NSD2: variants seen among roughly 807,000 people sequenced by gnomAD.
The protein encoded by NSD2 is histone-lysine N-methyltransferase NSD2.
Under a neutral mutation model 139.0 loss-of-function variants are expected in NSD2, and 12 were observed. That is an observed-to-expected ratio of 0.09 (90% CI 0.06 to 0.14). The LOEUF (loss-of-function observed/expected upper bound fraction) is 0.14, where lower values mean the gene tolerates loss of function less well. Ranked by LOEUF, NSD2 falls within the 10% of genes least tolerant of loss-of-function variation. NSD2 has a pLI of 1.00. For synonymous variants in NSD2, 669 were observed against 648.7 expected, an observed-to-expected ratio of 1.03 and a Z score of -0.48; for missense variants, 1,155 against 1,745.0, an observed-to-expected ratio of 0.66 and a Z score of 6.02.
chr4:1,895,496 C>T (rs1716145945), intron 1 of NSD2, among the ~76,000 whole-genome samples: 1 of 152,172 alleles, frequency 6.6e-6, no homozygotes, highest in African/African-American at 2.4e-5. Context: ...TTTAGCTGTG[C>T]CTGGTCTGCT....
intron 9 of NSD2, chr4:1,940,455 A>AT (rs1312939018): frequency 8.5e-6 from 9 of 1,063,266 alleles, no homozygotes; most frequent in Middle Eastern, 4.1e-4. Context: ...TCAAACCTAA[A>AT]TTTTTTGCCG....
At chr4:1,949,742 C>T (rs1382787128) in intron 9 of NSD2, among the ~76,000 whole-genome samples, 2 of 148,640 alleles carry the variant, frequency 1.3e-5, no homozygotes, top group African/African-American at 2.5e-5. Context: ...CCAGCCTGGG[C>T]GACAGAGCAA....
rs1192117060 is a variant in NSD2, at chr4:1,952,090, C to A, written c.2014-18C>A. ...GGGACTGCCGGGCGCTGCTTACCCG[C>A]CTGCTCTGCCCCCGCAGCTGTGTGA... On this transcript the variant is annotated intron_variant, in intron 10 of 21. Coordinates refer to ENST00000508803, the MANE Select transcript of NSD2 (RefSeq NM_001042424.3). 1.2e-5 allele frequency: 19 copies of A among 1,612,886 alleles called. No homozygotes were observed. The highest frequency in any genetic ancestry group is 1.6e-5 in the Non-Finnish European group (19 of 1,179,204).
intron 1 of NSD2, among the ~76,000 whole-genome samples, chr4:1,872,460 C>G (rs1474840536): frequency 1.3e-5 from 2 of 152,116 alleles, no homozygotes; most frequent in African/African-American, 4.8e-5. Flanking sequence ...CCCATTGCAG[C>G]ACGAATCTTT....
At chr4:1,881,885 T>C (rs560056564) in intron 1 of NSD2, among the ~76,000 whole-genome samples, 1 of 152,204 alleles carries the variant, frequency 6.6e-6, no homozygotes, top group East Asian at 1.9e-4. Context: ...GGGTGTTGGC[T>C]CCATGAGGGT....
At chr4:1,925,756 A>G (rs982287683) in intron 5 of NSD2, among the ~76,000 whole-genome samples, 25 of 148,752 alleles carry the variant, frequency 1.7e-4, no homozygotes, top group African/African-American at 6.4e-4. Flanking sequence ...ACTTCTTTTT[A>G]TATATCTATA....
chr4:1,943,272 A>G (rs529068807), intron 9 of NSD2: 25 of 1,044,048 alleles, frequency 2.4e-5, no homozygotes, highest in Non-Finnish European at 2.9e-5. Context: ...TTCCCGGCAG[A>G]TTCTTTGGCT....
chr4:1,918,528 C>T lies in NSD2; in HGVS notation c.1315C>T (p.Pro439Ser), dbSNP rs1024984881. 3.7e-6 allele frequency: 6 copies of T among 1,613,738 alleles called. No homozygotes were observed. The highest frequency in any genetic ancestry group is 5.1e-6 in the Non-Finnish European group (6 of 1,179,938). Residue 439 changes from proline to serine, a missense_variant, in exon 5 of 22, where the codon CCT (proline) becomes TCT (serine). Physicochemically the swap from Pro to Ser is moderately conservative, Grantham distance 74. Coordinates refer to ENST00000508803, the MANE Select transcript of NSD2 (RefSeq NM_001042424.3). ...ADPRRGVGSP[P>S]GRKKTTVSMP... ...CCCCAGAAGAGGAGTAGGGTCTCCT[C>T]CTGGGAGGAAGAAGACCACAGTCTC...
intron 20 of NSD2, 36 bp downstream of exon 20, chr4:1,975,436 G>A (rs775021788): frequency 1.3e-6 from 2 of 1,599,738 alleles, no homozygotes; most frequent in Admixed American, 3.3e-5. Context: ...CCCAGGCTCT[G>A]TGTTGGCATT....
chr4:1,969,853 C>G (rs765457632), intron 18 of NSD2, among the ~76,000 whole-genome samples: 1 of 152,080 alleles, frequency 6.6e-6, no homozygotes, highest in Non-Finnish European at 1.5e-5. Flanking sequence ...TCAGAGATAG[C>G]CAGGCAGAAA....
chr4:1,944,361 G>A (rs558999958), intron 9 of NSD2: 9 of 1,065,936 alleles, frequency 8.4e-6, no homozygotes, highest in South Asian at 4.6e-5. Flanking sequence ...CTAATTTAAC[G>A]TGGAATTCCT....
Position 1,973,336 on chromosome 4 carries a change from C to CA in NSD2, c.3373-1526dup, listed in dbSNP as rs1726692995. On this transcript the variant is annotated intron_variant, in intron 18 of 21. Transcript: ENST00000508803. The surrounding 1 kb of genome is among the most constrained non-coding windows in gnomAD (Gnocchi z 5.5). ...GGTTAGACACGGTGCTGCCAGGCGTCAGAGGCTGGGTTGTCCTGTTGGCAT... is the reference window on the plus strand; with the variant it reads ...GGTTAGACACGGTGCTGCCAGGCGTCAAGAGGCTGGGTTGTCCTGTTGGCAT... 2.0e-5 allele frequency among the ~76,000 whole-genome samples: 3 copies of CA among 152,362 alleles called. No individual in the cohort carries two copies. The South Asian group carries it at 6.2e-4, about 32-fold the overall frequency.
At chr4:1,941,381 C>G in intron 9 of NSD2, 1 of 1,050,952 alleles carries the variant, frequency 9.5e-7, no homozygotes, top group Non-Finnish European at 1.1e-6. Flanking sequence ...CTCTGTTATT[C>G]CTGATCCTAA....
At chr4:1,917,995 G>A (rs375859980) in intron 4 of NSD2, 146 bp from the exon 5 acceptor site, 42 of 913,100 alleles carry the variant, frequency 4.6e-5, no homozygotes, top group East Asian at 3.5e-4. Flanking sequence ...TGACCAGGCT[G>A]GTCTTAAACT....
chr4:1,933,392 GT>G (rs963791031), intron 6 of NSD2, among the ~76,000 whole-genome samples: 10 of 152,054 alleles, frequency 6.6e-5, no homozygotes, highest in Admixed American at 1.3e-4. Flanking sequence ...TCTGCAAGAT[GT>G]TTTTTTTCTT....
rs745329555 is a variant in NSD2 at position 1,955,935 on chromosome 4, C to T, written c.2676-48C>T. 28 of 1,610,534 alleles carry T rather than the reference C, an allele frequency of 1.7e-5. No individual in the cohort carries two copies. Among genetic ancestry groups the T allele is most frequent in the Non-Finnish European group, 2.2e-5 (26 of 1,177,798 alleles). On this transcript the variant is annotated intron_variant, in intron 14 of 21. Transcript: ENST00000508803. This position sits in a 1 kb window ranked among gnomAD's most constrained non-coding sequence, Gnocchi z 4.7. Reference sequence around the variant, plus strand: ...GTACTTAAAGTATTGAAATTATTATCGCTGTCTCTGAGGAGTCTGTGAATC... The same window carrying T: ...GTACTTAAAGTATTGAAATTATTATTGCTGTCTCTGAGGAGTCTGTGAATC...
At chr4:1,941,130 T>G in intron 9 of NSD2, 1 of 1,053,774 alleles carries the variant, frequency 9.5e-7, no homozygotes. Flanking sequence ...TACAAATTAT[T>G]TTTCCTTTTT....
rs769354613 is a variant in NSD2 at position 1,979,446 on chromosome 4, G to C, written c.*537G>C. 8 of 233,280 alleles carry C rather than the reference G, an allele frequency of 3.4e-5. No homozygotes were observed. Among genetic ancestry groups the C allele is most frequent in the Non-Finnish European group, 6.8e-5 (8 of 118,178 alleles). The allele number at this position is 233,280 out of a possible 1,614,324, so 14.5% of individuals were successfully genotyped here. ...TTGGAAATGGCTGTATCATTTTTTT[G>C]TACTAATGTGAATTGTTCCTCAGAA... On this transcript the variant is annotated 3_prime_UTR_variant, in exon 22 of 22. Transcript: ENST00000508803.
chr4:1,926,354 C>T (rs1310247414), intron 5 of NSD2, among the ~76,000 whole-genome samples: 1 of 151,264 alleles, frequency 6.6e-6, no homozygotes, highest in Non-Finnish European at 1.5e-5. Context: ...AGGGTTTCAC[C>T]ATGTTGGCCA....
Sources: gnomAD v4.1 joint callset for allele counts (sites outside exome capture counted in the v4.1 genomes callset) on GRCh38, gnomAD v4.1.1 for gene constraint, Gnocchi (gnomAD v3.1) non-coding constraint, MANE v1.5 for transcripts, NCBI Gene and HGNC (gene_info 2026-07-23, HGNC 2026-07-21) for gene names.